Variants in TUBA3C observed in about 807,000 individuals in gnomAD.
TUBA3C encodes tubulin alpha-3C chain.
TUBA3C carries 23 observed loss-of-function variants against 33.4 expected under a neutral mutation model. That is an observed-to-expected ratio of 0.69 (90% CI 0.50 to 0.98). The LOEUF (loss-of-function observed/expected upper bound fraction) is 0.98. Ranked by LOEUF, TUBA3C falls within the 50% of genes least tolerant of loss-of-function variation. TUBA3C has a pLI of 0.00. For missense variants in TUBA3C, 402 were observed against 616.0 expected, an observed-to-expected ratio of 0.65 and a Z score of 3.68; for synonymous variants, 269 against 250.4, an observed-to-expected ratio of 1.07 and a Z score of -0.70.
rs997073839 is a variant in TUBA3C at position 19,174,622 on chromosome 13, C to T, written c.1057-463G>A. Among the ~76,000 whole-genome samples the T allele has an allele frequency of 5.9e-5, 9 of 152,164 alleles. 1 individual carries two copies. In the East Asian group the frequency reaches 1.7e-3, roughly 29 times the overall value. ...CTATAAACTGCTTCACAACATCATT[C>T]GTTCCACTGTCTCATGTAGGGTTTG... On this transcript the variant is annotated intron_variant, in intron 4 of 4. Transcript: ENST00000400113.
intron 2 of TUBA3C, among the ~76,000 whole-genome samples, chr13:19,178,765 T>C (rs1216920261): frequency 6.6e-6 from 1 of 152,166 alleles, no homozygotes; most frequent in Non-Finnish European, 1.5e-5. Flanking sequence ...GCTTACAAAC[T>C]GAGAAGTCAC....
At chr13:19,176,824 T>C (rs9511916) in intron 4 of TUBA3C, 103 bp downstream of exon 4, 78,546 of 1,272,958 alleles carry the variant, frequency 0.062, 2,494 homozygotes, top group Middle Eastern at 0.087. Flanking sequence ...GCCCATGGAA[T>C]AGGGGTAGTA....
Position 19,175,194 on chromosome 13 carries a change from G to A in TUBA3C, c.1057-1035C>T, listed in dbSNP as rs36216655. On this transcript the variant is annotated intron_variant, in intron 4 of 4. Transcript: ENST00000400113. ...ATGAACCCAGGAGGCGGAGCTTGCA[G>A]TGAGCCAAGATCACGCCACTGCACT... Among the ~76,000 whole-genome samples, 6 of 152,324 alleles carry A rather than the reference G, an allele frequency of 3.9e-5. No homozygotes were observed. In the East Asian group the frequency reaches 9.7e-4, roughly 25 times the overall value.
At position 19,173,838 on chromosome 13, in the gene TUBA3C, G is replaced by T. The variant is rs771011036; in HGVS notation, c.*25C>A. 6.3e-6 allele frequency: 10 copies of T among 1,598,608 alleles called. No homozygotes were observed. Among genetic ancestry groups the T allele is most frequent in the Non-Finnish European group, 8.5e-6 (10 of 1,171,496 alleles). Reference sequence around the variant, plus strand: ...CAGCCACGCTGGGGGTGGCAGTGGAGTGGAGAACCCACCACACCCTCCCCT... The same window carrying T: ...CAGCCACGCTGGGGGTGGCAGTGGATTGGAGAACCCACCACACCCTCCCCT... On this transcript the variant is annotated 3_prime_UTR_variant, in exon 5 of 5. Coordinates refer to ENST00000400113, the MANE Select transcript of TUBA3C (RefSeq NM_006001.3).
At chr13:19,178,522 A>ATGT in intron 2 of TUBA3C, 128 bp from the exon 3 acceptor site, 101 of 1,304,336 alleles carry the variant, frequency 7.7e-5, no homozygotes, top group South Asian at 3.9e-4. Context: ...GTTGTAGGTC[A>ATGT]ACAGTGGCAG....
intron 1 of TUBA3C, among the ~76,000 whole-genome samples, chr13:19,179,973 C>T (rs1869345215): frequency 6.6e-6 from 1 of 152,136 alleles, no homozygotes; most frequent in African/African-American, 2.4e-5. Context: ...GGTCCCAGGT[C>T]ACTGTGGTCC....
intron 2 of TUBA3C, among the ~76,000 whole-genome samples, chr13:19,179,070 C>T (rs990902370): frequency 6.6e-6 from 1 of 152,214 alleles, no homozygotes; most frequent in African/African-American, 2.4e-5. Flanking sequence ...GCCACCTGAA[C>T]AGGGCTGAGG....
At chr13:19,179,680 A>G in intron 1 of TUBA3C, 117 bp from the exon 2 acceptor site, 6 of 1,361,056 alleles carry the variant, frequency 4.4e-6, no homozygotes, top group Non-Finnish European at 5.9e-6. Context: ...GTGCTTTCAC[A>G]ATTGATATTT....
chr13:19,177,699 T>C lies in TUBA3C; in HGVS notation c.376-92A>G, dbSNP rs964441853. 2.8e-6 allele frequency: 4 copies of C among 1,445,424 alleles called. No individual in the cohort carries two copies. The highest frequency in any genetic ancestry group is 3.7e-6 in the Non-Finnish European group (4 of 1,079,142). 89.5% of individuals were successfully genotyped at this position (1,445,424 alleles called of 1,614,324 possible). A position where few individuals can be genotyped will look rare whatever the true frequency, so the allele number is the denominator to read the frequency against. The stretch of plus-strand genomic sequence containing the variant: ...GGGCCACTTCTCTGCCTCTGAAGAC[T>C]TGATATGGATTCCAATCATCCATAA... On this transcript the variant is annotated intron_variant, in intron 3 of 4. Coordinates refer to ENST00000400113, the MANE Select transcript of TUBA3C (RefSeq NM_006001.3). This position sits in a 1 kb window ranked among gnomAD's most constrained non-coding sequence, Gnocchi z 5.0.
intron 4 of TUBA3C, among the ~76,000 whole-genome samples, chr13:19,175,812 C>A (rs1247709250): frequency 1.3e-5 from 2 of 151,886 alleles, no homozygotes; most frequent in East Asian, 3.9e-4. Context: ...GGAGTGATAT[C>A]TTCTCACTGC....
At chr13:19,174,836 C>T (rs1288082090) in intron 4 of TUBA3C, among the ~76,000 whole-genome samples, 6 of 152,108 alleles carry the variant, frequency 3.9e-5, no homozygotes, top group Non-Finnish European at 8.8e-5. Flanking sequence ...GTGTCATGCA[C>T]CTGTGGTCCC....
intron 2 of TUBA3C, among the ~76,000 whole-genome samples, chr13:19,178,895 G>C (rs1869298063): frequency 6.6e-6 from 1 of 152,168 alleles, no homozygotes; most frequent in African/African-American, 2.4e-5. Context: ...CTGTCTCTTT[G>C]CAGCTCTCCT....
chr13:19,180,179 G>A (rs1348928828), intron 1 of TUBA3C, among the ~76,000 whole-genome samples: 1 of 152,140 alleles, frequency 6.6e-6, no homozygotes, highest in Admixed American at 6.5e-5. Context: ...AGTGGCGTCA[G>A]GGTACTCTCC....
intron 1 of TUBA3C, among the ~76,000 whole-genome samples, chr13:19,180,222 G>A (rs943704868): frequency 6.6e-6 from 1 of 152,106 alleles, no homozygotes; most frequent in Non-Finnish European, 1.5e-5. Context: ...TTTCATGGGC[G>A]ATACAAATCC....
chr13:19,175,776 T>C (rs1417834778), intron 4 of TUBA3C, among the ~76,000 whole-genome samples: 1 of 152,144 alleles, frequency 6.6e-6, no homozygotes, highest in Non-Finnish European at 1.5e-5. Flanking sequence ...CAGAGTCTTG[T>C]GCTGTCACCC....
At chr13:19,180,807 CATT>C (rs1319847474) in intron 1 of TUBA3C, among the ~76,000 whole-genome samples, 1 of 151,804 alleles carries the variant, frequency 6.6e-6, no homozygotes, top group Non-Finnish European at 1.5e-5. Flanking sequence ...AAAATTTAAA[CATT>C]AGCCAGCTGT....
rs201024969 is a variant in TUBA3C, at chr13:19,177,255, C to T, written c.728G>A (p.Arg243Gln). The change falls in exon 4 of 5, where the codon CGA becomes CAA. Residue 243 changes from arginine to glutamine, a missense_variant. Coordinates refer to ENST00000400113, the MANE Select transcript of TUBA3C (RefSeq NM_006001.3). The surrounding 1 kb of genome is among the most constrained non-coding windows in gnomAD (Gnocchi z 5.0). The part of the protein sequence containing the change: ...QIVSSITASL[R>Q]FDGALNVDLT... Reference sequence around the variant, plus strand: ...GTCCACATTCAGGGCCCCGTCAAATCGCAGGGAGGCCGTGATGGAGGACAC... The same window carrying T: ...GTCCACATTCAGGGCCCCGTCAAATTGCAGGGAGGCCGTGATGGAGGACAC... 69 of 1,613,970 alleles carry T rather than the reference C, an allele frequency of 4.3e-5. No homozygotes were observed. Among genetic ancestry groups the T allele is most frequent in the Non-Finnish European group, 8.5e-6 (10 of 1,180,034 alleles).
At chr13:19,176,478 GCA>G (rs1304380295) in intron 4 of TUBA3C, among the ~76,000 whole-genome samples, 1 of 151,908 alleles carries the variant, frequency 6.6e-6, no homozygotes, top group Non-Finnish European at 1.5e-5. Context: ...ACTGGGCCAG[GCA>G]CAGTGGCTCA....
chr13:19,174,243 C>T (rs2138952942), intron 4 of TUBA3C, 84 bp from the exon 5 acceptor site: 1 of 1,500,904 alleles, frequency 6.7e-7, no homozygotes, highest in Middle Eastern at 1.9e-4. Flanking sequence ...AAGAAGACAC[C>T]CTGTAGGTGA....
Sources: gnomAD v4.1 joint callset for allele counts (sites outside exome capture counted in the v4.1 genomes callset) on GRCh38, gnomAD v4.1.1 for gene constraint, Gnocchi (gnomAD v3.1) non-coding constraint, MANE v1.5 for transcripts, NCBI Gene and HGNC (gene_info 2026-07-23, HGNC 2026-07-21) for gene names.